Variants in OPHN1 observed in about 807,000 individuals in gnomAD.
The protein encoded by OPHN1 is oligophrenin-1.
In OPHN1, 11 loss-of-function variants were observed where a neutral mutation model predicts 60.7. That is an observed-to-expected ratio of 0.18 (90% CI 0.11 to 0.30). OPHN1 has a LOEUF of 0.30. OPHN1 is among the 10% of genes least tolerant of loss of function. The pLI is 1.00. For missense variants in OPHN1, 449 were observed against 611.0 expected, an observed-to-expected ratio of 0.73 and a Z score of 2.80; for synonymous variants, 226 against 222.6, an observed-to-expected ratio of 1.02 and a Z score of -0.14.
chrX:68,277,745 T>C (rs1255214499), intron 4 of OPHN1, among the ~76,000 whole-genome samples: 1 of 111,822 alleles, frequency 8.9e-6, no homozygotes, highest in Non-Finnish European at 1.9e-5. Flanking sequence ...GAGCCAAGAC[T>C]GTGCCACTGC....
chrX:68,081,845 C>T, intron 19 of OPHN1, among the ~76,000 whole-genome samples: 1 of 111,073 alleles, frequency 9.0e-6, no homozygotes, highest in Non-Finnish European at 1.9e-5. Flanking sequence ...CTCTTCCTTT[C>T]ACAAAAAAAA....
At chrX:68,254,752 C>T (rs2077853282) in intron 5 of OPHN1, among the ~76,000 whole-genome samples, 1 of 110,530 alleles carries the variant, frequency 9.0e-6, no homozygotes, top group African/African-American at 3.3e-5. Context: ...CATGGTGGCT[C>T]ATACCTGTAA....
At chrX:68,176,603 A>G (rs998865229) in intron 15 of OPHN1, among the ~76,000 whole-genome samples, 2 of 111,928 alleles carry the variant, frequency 1.8e-5, no homozygotes, top group Admixed American at 1.9e-4. Flanking sequence ...GAAATGGTAA[A>G]GCCACTATGC....
chrX:68,282,972 T>C, intron 4 of OPHN1, 84 bp downstream of exon 4: 1 of 729,206 alleles, frequency 1.4e-6, no homozygotes, highest in East Asian at 3.3e-5. Flanking sequence ...CAAAATAGTA[T>C]AGGATCAATC....
intron 19 of OPHN1, among the ~76,000 whole-genome samples, chrX:68,082,959 A>C (rs2076979458): frequency 9.2e-6 from 1 of 108,946 alleles, no homozygotes; most frequent in Non-Finnish European, 1.9e-5. Flanking sequence ...AACTTGGTAC[A>C]GCTTTTACAT....
intron 2 of OPHN1, among the ~76,000 whole-genome samples, chrX:68,379,130 C>A (rs915204253): frequency 9.0e-6 from 1 of 110,869 alleles, no homozygotes; most frequent in African/African-American, 3.3e-5. Context: ...TTGTAGTTCT[C>A]CTTGAAGAGG....
rs559502317 is a variant in OPHN1 at position 68,341,326 on chromosome X, CA to C, written c.155-42231del. On this transcript the variant is annotated intron_variant, in intron 2 of 24. Coordinates refer to ENST00000355520, the MANE Select transcript of OPHN1 (RefSeq NM_002547.3). The stretch of plus-strand genomic sequence containing the variant: ...TCAGGCAATATAATACACACACTTT[CA>C]AAAAAAAAAAACCCTAAACCTAAAT... Among the ~76,000 whole-genome samples the C allele has an allele frequency of 4.4e-3, 427 of 97,083 alleles. 3 individuals carry two copies. Among genetic ancestry groups the C allele is most frequent in the African/African-American group, 0.014 (374 of 27,025 alleles). 84.3% of individuals were successfully genotyped at this position (97,083 alleles called of 115,157 possible).
intron 5 of OPHN1, among the ~76,000 whole-genome samples, chrX:68,239,312 C>T (rs979791696): frequency 4.5e-5 from 5 of 110,285 alleles, no homozygotes; most frequent in African/African-American, 1.7e-4. Context: ...TGTGTTCTTC[C>T]GCCTGTGTGT....
intron 3 of OPHN1, among the ~76,000 whole-genome samples, chrX:68,284,545 C>T (rs760002050): frequency 3.5e-4 from 39 of 111,156 alleles, no homozygotes; most frequent in Non-Finnish European, 1.5e-4. Context: ...TATGGTGACA[C>T]AAATGGACTG....
intron 5 of OPHN1, among the ~76,000 whole-genome samples, chrX:68,250,473 A>T (rs1337512215): frequency 9.0e-6 from 1 of 111,198 alleles, no homozygotes; most frequent in Non-Finnish European, 1.9e-5. Flanking sequence ...TAAGTAGCAG[A>T]GTTGGCCTGC....
At chrX:68,244,957 G>A (rs1569256258) in intron 5 of OPHN1, among the ~76,000 whole-genome samples, 1 of 111,232 alleles carries the variant, frequency 9.0e-6, no homozygotes, top group Non-Finnish European at 1.9e-5. Flanking sequence ...TTCTAACCTC[G>A]ACAATATACT....
chrX:68,052,507 T>A (rs1169925182), intron 23 of OPHN1, 33 bp downstream of exon 23: 1 of 1,177,131 alleles, frequency 8.5e-7, no homozygotes, highest in African/African-American at 1.8e-5. Context: ...TAAAAGGCGA[T>A]TTGGTTTTTC....
chrX:68,258,633 T>C (rs2077878252), intron 5 of OPHN1, among the ~76,000 whole-genome samples: 1 of 109,614 alleles, frequency 9.1e-6, no homozygotes, highest in Non-Finnish European at 1.9e-5. Flanking sequence ...ATGGTGTATA[T>C]GTGCCACATT....
rs775382934 is a variant in OPHN1 at position 68,096,969 on chromosome X, C to T, written c.1587G>A (p.Gly529=). The part of the protein sequence containing the change: ...MTPSNMGVIF[G]PTLMRAQEDT... ...CCTCCTGAGCTCTCATCAGGGTGGG[C>T]CCAAAGATTACTCCCATGTTGGAGG... Residue 529 remains glycine (G), a synonymous_variant, in exon 19 of 25, where the codon GGG becomes GGA. Coordinates refer to ENST00000355520, the MANE Select transcript of OPHN1 (RefSeq NM_002547.3). 1.4e-5 allele frequency: 17 copies of T among 1,210,177 alleles called. No homozygotes were observed. Among genetic ancestry groups the T allele is most frequent in the Non-Finnish European group, 1.9e-5 (17 of 894,670 alleles).
intron 5 of OPHN1, among the ~76,000 whole-genome samples, chrX:68,268,608 T>C (rs1036507845): frequency 2.7e-5 from 3 of 111,435 alleles, no homozygotes; most frequent in Non-Finnish European, 5.6e-5. Flanking sequence ...ATAAGAGCTA[T>C]CTATGACAAA....
At chrX:68,350,651 G>T (rs1385434135) in intron 2 of OPHN1, among the ~76,000 whole-genome samples, 1 of 108,262 alleles carries the variant, frequency 9.2e-6, no homozygotes, top group East Asian at 2.9e-4. Flanking sequence ...CAAGTAGATG[G>T]GACTACAGGC....
intron 2 of OPHN1, among the ~76,000 whole-genome samples, chrX:68,321,292 G>A (rs1274948856): frequency 1.8e-5 from 2 of 111,552 alleles, no homozygotes; most frequent in East Asian, 2.8e-4. Context: ...TACAAGATTC[G>A]AATGATTTTA....
intron 2 of OPHN1, among the ~76,000 whole-genome samples, chrX:68,372,445 A>G (rs960191914): frequency 1.8e-5 from 2 of 111,343 alleles, no homozygotes; most frequent in Non-Finnish European, 3.8e-5. Context: ...CTCAGAACCT[A>G]TGCTCTTGAC....
chrX:68,413,748 A>AAC (rs947186242), intron 2 of OPHN1, among the ~76,000 whole-genome samples: 1 of 111,555 alleles, frequency 9.0e-6, no homozygotes, highest in Admixed American at 9.6e-5. Flanking sequence ...CTCTACAAAA[A>AAC]AACAACAAAC....
Sources: gnomAD v4.1 joint callset for allele counts (sites outside exome capture counted in the v4.1 genomes callset) on GRCh38, gnomAD v4.1.1 for gene constraint, MANE v1.5 for transcripts, NCBI Gene and HGNC (gene_info 2026-07-23, HGNC 2026-07-21) for gene names.